TPH2: variants seen among roughly 807,000 people sequenced by gnomAD.
TPH2 encodes the protein tryptophan 5-hydroxylase 2.
A neutral mutation model predicts 59.1 loss-of-function variants in TPH2; 27 were observed. That is an observed-to-expected ratio of 0.46 (90% CI 0.34 to 0.63). The LOEUF (loss-of-function observed/expected upper bound fraction) is 0.63. TPH2 is among the 30% of genes least tolerant of loss of function. The pLI is 0.01. For missense variants in TPH2, 523 were observed against 588.3 expected, an observed-to-expected ratio of 0.89 and a Z score of 1.15; for synonymous variants, 220 against 210.5, an observed-to-expected ratio of 1.05 and a Z score of -0.39.
chr12:71,941,105 G>A (rs1357508037), intron 1 of TPH2, among the ~76,000 whole-genome samples: 3 of 151,948 alleles, frequency 2.0e-5, no homozygotes, highest in Non-Finnish European at 4.4e-5. Context: ...GACATATTTT[G>A]GAATGAAATC....
At chr12:71,974,811 C>T (rs918839926) in intron 6 of TPH2, among the ~76,000 whole-genome samples, 10 of 152,122 alleles carry the variant, frequency 6.6e-5, no homozygotes, top group African/African-American at 2.2e-4. Context: ...ATTTTATAAC[C>T]TTGATGCCTA....
intron 10 of TPH2, 39 bp from the exon 11 acceptor site, chr12:72,031,482 G>A (rs757488055): frequency 6.2e-7 from 1 of 1,612,926 alleles, no homozygotes; most frequent in Non-Finnish European, 8.5e-7. Flanking sequence ...TACCAATGAG[G>A]GTTGATCACA....
At chr12:71,959,596 C>T (rs1291293022) in intron 5 of TPH2, among the ~76,000 whole-genome samples, 8 of 152,190 alleles carry the variant, frequency 5.3e-5, no homozygotes, top group Non-Finnish European at 8.8e-5. Context: ...TAGCATTTCT[C>T]ATTTCATGAG....
chr12:71,983,581 A>G (rs1162793777), intron 7 of TPH2, among the ~76,000 whole-genome samples: 1 of 152,102 alleles, frequency 6.6e-6, no homozygotes, highest in Non-Finnish European at 1.5e-5. Context: ...TGGGAAGTCC[A>G]TTGTGTGCTC....
At chr12:71,954,918 G>T (rs1843809) in intron 5 of TPH2, among the ~76,000 whole-genome samples, 117,612 of 151,878 alleles carry the variant, frequency 0.77, 46,823 homozygotes, top group East Asian at 0.94. Context: ...CTTTAATTAT[G>T]CCACTCTTGT....
chr12:72,008,409 C>T (rs893564435), intron 8 of TPH2, among the ~76,000 whole-genome samples: 13 of 152,128 alleles, frequency 8.5e-5, no homozygotes, highest in African/African-American at 3.1e-4. Flanking sequence ...GATGAGTTAG[C>T]CACACAGATA....
intron 8 of TPH2, among the ~76,000 whole-genome samples, chr12:72,016,113 C>T (rs1246521329): frequency 1.3e-5 from 2 of 152,128 alleles, no homozygotes; most frequent in Admixed American, 6.6e-5. Flanking sequence ...ACCACTTGAA[C>T]TTTGAGTCTC....
chr12:72,013,622 T>C lies in TPH2; in HGVS notation c.1069-8777T>C, dbSNP rs144126889. Among the ~76,000 whole-genome samples the C allele has an allele frequency of 8.9e-4, 136 of 152,330 alleles. 4 individuals carry two copies. In the East Asian group the frequency reaches 0.014, roughly 16 times the overall value. ...CAGATAAGCAAAGATGAATTCAAGA[T>C]TGAATGAGATGTTTGTGGTAGGAGT... is the stretch of plus-strand genomic sequence containing the variant. On this transcript the variant is annotated intron_variant, in intron 8 of 10. Transcript: ENST00000333850.
At chr12:71,986,498 C>A (rs1361606640) in intron 7 of TPH2, among the ~76,000 whole-genome samples, 1 of 152,148 alleles carries the variant, frequency 6.6e-6, no homozygotes, top group Non-Finnish European at 1.5e-5. Flanking sequence ...TTTAAAAAAT[C>A]ATATACATTA....
At chr12:71,981,272 G>A (rs778243347) in intron 7 of TPH2, among the ~76,000 whole-genome samples, 56 of 152,196 alleles carry the variant, frequency 3.7e-4, no homozygotes, top group Non-Finnish European at 5.0e-4. Context: ...TTATGTATTA[G>A]GGGTGAAATG....
Position 71,944,695 on chromosome 12 carries a change from C to G in TPH2, c.540+9C>G. The stretch of plus-strand genomic sequence containing the variant: ...TTGATGCTGACCACCCAGTAAGTGT[C>G]CAGTAAAATCTATTTCTCACATGCT... On this transcript the variant is annotated intron_variant, in intron 4 of 10. Transcript: ENST00000333850. 1 of 1,611,972 alleles carries G rather than the reference C, an allele frequency of 6.2e-7. No individual in the cohort carries two copies. The highest frequency in any genetic ancestry group is 8.5e-7 in the Non-Finnish European group (1 of 1,178,172).
In TPH2 at chr12:71,974,402, C is replaced by T. The variant is rs143753478; in HGVS notation, c.805+1687C>T. ...CCTTCTGGTGGCTTCTGTGCCCTGG[C>T]CTTTCCCAGCTTCTAGAGTCCTCCT... On this transcript the variant is annotated intron_variant, in intron 6 of 10. Coordinates refer to ENST00000333850, the MANE Select transcript of TPH2 (RefSeq NM_173353.4). Among the ~76,000 whole-genome samples the T allele has an allele frequency of 9.1e-4, 138 of 152,288 alleles. 1 individual carries two copies. The East Asian group carries it at 0.023, about 25-fold the overall frequency.
At chr12:72,000,439 G>A (rs540883254) in intron 8 of TPH2, among the ~76,000 whole-genome samples, 150 of 152,280 alleles carry the variant, frequency 9.9e-4, no homozygotes, top group Non-Finnish European at 1.8e-3. Context: ...AGTAACCTGA[G>A]GATCATGTTA....
At chr12:71,954,712 A>T (rs892873153) in intron 5 of TPH2, among the ~76,000 whole-genome samples, 1 of 152,200 alleles carries the variant, frequency 6.6e-6, no homozygotes, top group Non-Finnish European at 1.5e-5. Context: ...TGGACTTCAC[A>T]ATTACTATAT....
At chr12:71,958,687 C>T (rs940623563) in intron 5 of TPH2, among the ~76,000 whole-genome samples, 1 of 152,130 alleles carries the variant, frequency 6.6e-6, no homozygotes, top group Non-Finnish European at 1.5e-5. Context: ...GCCTGACCCT[C>T]GTGAGATACA....
chr12:72,004,006 T>C (rs888831679), intron 8 of TPH2, among the ~76,000 whole-genome samples: 6 of 152,152 alleles, frequency 3.9e-5, no homozygotes, highest in Admixed American at 3.9e-4. Flanking sequence ...CTGAGTTGAG[T>C]GCTGAACCCA....
Position 71,949,666 on chromosome 12 carries a change from G to A in TPH2, c.608+11G>A, listed in dbSNP as rs1270207160. On this transcript the variant is annotated intron_variant, in intron 5 of 10. Coordinates refer to ENST00000333850, the MANE Select transcript of TPH2 (RefSeq NM_173353.4). ...CATGGGTTATAAATAGTAAGTACCT[G>A]TATAACTCTTTCTTGTCACTGGCTA... 2.5e-6 allele frequency: 4 copies of A among 1,606,148 alleles called. No homozygotes were observed. The highest frequency in any genetic ancestry group is 2.2e-5 in the South Asian group (2 of 90,936).
At chr12:72,000,301 G>A (rs1872789974) in intron 8 of TPH2, among the ~76,000 whole-genome samples, 1 of 152,178 alleles carries the variant, frequency 6.6e-6, no homozygotes, top group Non-Finnish European at 1.5e-5. Flanking sequence ...AAAATAATTT[G>A]CAATTTGTCA....
intron 8 of TPH2, among the ~76,000 whole-genome samples, chr12:72,017,214 G>A (rs1276694541): frequency 6.6e-6 from 1 of 152,100 alleles, no homozygotes; most frequent in Non-Finnish European, 1.5e-5. Context: ...GGCTAGGCCC[G>A]AACTGCTGCG....
Sources: allele counts gnomAD v4.1 joint callset (sites outside exome capture counted in the v4.1 genomes callset), GRCh38; gene constraint gnomAD v4.1.1; transcripts MANE v1.5; gene names NCBI Gene and HGNC (gene_info 2026-07-23, HGNC 2026-07-21).